The following LRRTM4 variants were observed in gnomAD, a reference collection of about 807,000 sequenced individuals.
LRRTM4 encodes the protein leucine-rich repeat transmembrane neuronal protein 4.
LRRTM4 carries 25 observed loss-of-function variants against 47.6 expected under a neutral mutation model. The ratio of observed to expected loss-of-function variants is 0.53; its 90% CI spans 0.38 to 0.73. The LOEUF is 0.73. LRRTM4 is among the 30% of genes least tolerant of loss of function. The pLI is 0.00. For synonymous variants in LRRTM4, 311 were observed against 269.5 expected, an observed-to-expected ratio of 1.15 and a Z score of -1.51; for missense variants, 638 against 713.4, an observed-to-expected ratio of 0.89 and a Z score of 1.20.
chr2:77,007,735 A>C (rs768915376), intron 3 of LRRTM4, among the ~76,000 whole-genome samples: 9 of 152,162 alleles, frequency 5.9e-5, no homozygotes, highest in Non-Finnish European at 1.3e-4. Flanking sequence ...GGTTCGGTGG[A>C]AAAGAAAAGG....
At chr2:77,298,729 G>T (rs1325924958) in intron 3 of LRRTM4, among the ~76,000 whole-genome samples, 1 of 152,102 alleles carries the variant, frequency 6.6e-6, no homozygotes, top group African/African-American at 2.4e-5. Context: ...TTAACCTCAT[G>T]ACATTTGTAA....
In LRRTM4 at chr2:77,434,377, C is replaced by A. The variant is rs150097245; in HGVS notation, c.1551+83941G>T. On this transcript the variant is annotated intron_variant, in intron 3 of 3. Transcript: ENST00000409884. The stretch of plus-strand genomic sequence containing the variant: ...CAAGAACCCAGCCACCTTTCATGGG[C>A]CTTGATGTGAGTCAGAAACGTACAT... Among the ~76,000 whole-genome samples the A allele has an allele frequency of 3.5e-4, 53 of 151,866 alleles. No homozygotes were observed. In the East Asian group the frequency reaches 9.9e-3, roughly 28 times the overall value.
intron 3 of LRRTM4, among the ~76,000 whole-genome samples, chr2:77,077,185 TA>T: frequency 6.6e-6 from 1 of 152,310 alleles, no homozygotes; most frequent in Non-Finnish European, 1.5e-5. Context: ...GAGTTTGATA[TA>T]ACACTTCTTT....
chr2:76,847,394 C>A (rs1342767307), intron 3 of LRRTM4, among the ~76,000 whole-genome samples: 3 of 151,996 alleles, frequency 2.0e-5, no homozygotes, highest in African/African-American at 7.2e-5. Flanking sequence ...AAATAATTCT[C>A]TTTTCAGTTT....
intron 3 of LRRTM4, among the ~76,000 whole-genome samples, chr2:77,035,234 G>A (rs1294765302): frequency 6.7e-6 from 1 of 149,382 alleles, no homozygotes; most frequent in Non-Finnish European, 1.5e-5. Flanking sequence ...GGTGTGTGAT[G>A]TCCAGATTCA....
Position 77,522,309 on chromosome 2 carries a change from A to G in LRRTM4, c.-348T>C, listed in dbSNP as rs1475218856. ...CTGGGAGGCAGCCCTTGTCTAATTCAGAAGGCTTTCCAGAGACTGATGATG... is the reference window on the plus strand; with the variant it reads ...CTGGGAGGCAGCCCTTGTCTAATTCGGAAGGCTTTCCAGAGACTGATGATG... On this transcript the variant is annotated 5_prime_UTR_variant, in exon 1 of 4. Transcript: ENST00000409884. 6 of 531,774 alleles carry G rather than the reference A, an allele frequency of 1.1e-5. No homozygotes were observed. The highest frequency in any genetic ancestry group is 2.0e-5 in the Non-Finnish European group (6 of 298,738). The allele number at this position is 531,774 out of a possible 1,614,324, so 32.9% of individuals were successfully genotyped here.
At chr2:77,176,237 G>A (rs1673195529) in intron 3 of LRRTM4, among the ~76,000 whole-genome samples, 1 of 152,138 alleles carries the variant, frequency 6.6e-6, no homozygotes. Context: ...CCAGATGTGT[G>A]AGACTACTGT....
rs1027266159 is a variant in LRRTM4 at position 76,876,434 on chromosome 2, A to C, written c.1552-127518T>G. Among the ~76,000 whole-genome samples, 6 of 152,216 alleles carry C rather than the reference A, an allele frequency of 3.9e-5. No individual in the cohort carries two copies. The East Asian group carries it at 1.2e-3, about 29-fold the overall frequency. On this transcript the variant is annotated intron_variant, in intron 3 of 3. Coordinates refer to ENST00000409884, the MANE Select transcript of LRRTM4 (RefSeq NM_001134745.3). ...TTGCAATGAATGTTGTTTTTACTGA[A>C]GTATCTCTATTAAGGCATTACACTA...
At chr2:77,448,482 A>C (rs1676138080) in intron 3 of LRRTM4, among the ~76,000 whole-genome samples, 1 of 152,184 alleles carries the variant, frequency 6.6e-6, no homozygotes, top group Non-Finnish European at 1.5e-5. Context: ...TTGTATTATC[A>C]AAAAAATCTC....
intron 3 of LRRTM4, among the ~76,000 whole-genome samples, chr2:77,365,574 C>G (rs1311581123): frequency 6.6e-6 from 1 of 151,652 alleles, no homozygotes; most frequent in African/African-American, 2.4e-5. Context: ...ACTAAAGTTA[C>G]TTTATCAATA....
At chr2:77,069,401 ATGTGTGTG>A (rs3058064) in intron 3 of LRRTM4, among the ~76,000 whole-genome samples, 73 of 141,570 alleles carry the variant, frequency 5.2e-4, no homozygotes, top group Middle Eastern at 3.6e-3. Context: ...ACATTTCACT[ATGTGTGTG>A]TGTGTGTGTG....
At chr2:77,127,593 CCT>C (rs1671680844) in intron 3 of LRRTM4, among the ~76,000 whole-genome samples, 1 of 151,972 alleles carries the variant, frequency 6.6e-6, no homozygotes, top group African/African-American at 2.4e-5. Flanking sequence ...TTGGTAATCC[CCT>C]CTCTCTCTTC....
At chr2:76,955,534 G>A (rs937936484) in intron 3 of LRRTM4, among the ~76,000 whole-genome samples, 5 of 151,740 alleles carry the variant, frequency 3.3e-5, no homozygotes, top group African/African-American at 1.2e-4. Flanking sequence ...AGAAGCAAGA[G>A]GAGAGGGTAA....
intron 3 of LRRTM4, among the ~76,000 whole-genome samples, chr2:77,050,657 T>C (rs561788882): frequency 9.8e-5 from 15 of 152,334 alleles, no homozygotes; most frequent in African/African-American, 3.6e-4. Context: ...ATTTCTGATC[T>C]AAACATATAT....
At chr2:77,315,135 C>T (rs988750484) in intron 3 of LRRTM4, among the ~76,000 whole-genome samples, 2 of 152,038 alleles carry the variant, frequency 1.3e-5, no homozygotes, top group Admixed American at 1.3e-4. Flanking sequence ...TACACTGTTG[C>T]ATGTATTAAA....
chr2:77,264,674 C>A (rs1676005399), intron 3 of LRRTM4, among the ~76,000 whole-genome samples: 1 of 152,020 alleles, frequency 6.6e-6, no homozygotes, highest in Non-Finnish European at 1.5e-5. Flanking sequence ...TTTGGAAAAG[C>A]AATAATATTT....
intron 3 of LRRTM4, among the ~76,000 whole-genome samples, chr2:77,027,652 A>C (rs1281869888): frequency 6.6e-6 from 1 of 152,196 alleles, no homozygotes; most frequent in East Asian, 1.9e-4. Flanking sequence ...GAGCCTTCTA[A>C]ACAACTGTAG....
At chr2:76,793,794 G>C (rs747821929) in intron 3 of LRRTM4, among the ~76,000 whole-genome samples, 11 of 152,092 alleles carry the variant, frequency 7.2e-5, no homozygotes, top group Non-Finnish European at 1.3e-4. Flanking sequence ...GCAAAGTGCT[G>C]ATTTCAGATA....
At chr2:77,196,232 G>C (rs930511283) in intron 3 of LRRTM4, among the ~76,000 whole-genome samples, 7 of 152,128 alleles carry the variant, frequency 4.6e-5, no homozygotes, top group African/African-American at 1.7e-4. Context: ...AATGCAGAGT[G>C]ATGTTGCAAG....
Sources: gnomAD v4.1 joint callset for allele counts (sites outside exome capture counted in the v4.1 genomes callset) on GRCh38, gnomAD v4.1.1 for gene constraint, MANE v1.5 for transcripts, NCBI Gene and HGNC (gene_info 2026-07-23, HGNC 2026-07-21) for gene names.